CCDC183: variants seen among roughly 807,000 people sequenced by gnomAD.
The protein encoded by CCDC183 is coiled-coil domain-containing protein 183.
A neutral mutation model predicts 65.2 loss-of-function variants in CCDC183; 63 were observed. That is an observed-to-expected ratio of 0.97 (90% CI 0.79 to 1.19). CCDC183 has a LOEUF of 1.19. Ranked by LOEUF, CCDC183 falls within the 50% of genes most tolerant of loss-of-function variation. CCDC183 has a pLI of 0.00. For missense variants in CCDC183, 769 were observed against 689.3 expected (o/e 1.12, Z -1.30); for synonymous variants, 323 against 276.5 (o/e 1.17, Z -1.67).
At chr9:136,800,555 G>T in intron 5 of CCDC183, 62 bp downstream of exon 5, 1 of 1,278,068 alleles carries the variant, frequency 7.8e-7, no homozygotes, top group South Asian at 1.3e-5. Flanking sequence ...GGGCGGGAGC[G>T]TCCTGGGGCG....
chr9:136,797,923 C>G (rs1257534842), intron 1 of CCDC183, among the ~76,000 whole-genome samples: 3 of 151,558 alleles, frequency 2.0e-5, no homozygotes, highest in Non-Finnish European at 4.4e-5. Flanking sequence ...CGGGTTCGAG[C>G]GATTCTCCTG....
chr9:136,807,054 G>A lies in CCDC183; in HGVS notation c.1474G>A (p.Glu492Lys), dbSNP rs749224478. The change falls in exon 13 of 14, where the codon GAG (glutamate) becomes AAG (lysine). Residue 492 changes from glutamate to lysine, a missense_variant. By Grantham distance (56) the Glu-to-Lys change is moderately conservative (BLOSUM62 1). Coordinates refer to ENST00000338005, the MANE Select transcript of CCDC183 (RefSeq NM_001039374.5). Reference sequence around the variant, plus strand: ...CAGGATCAGCTTTGAGAACCGGGAGGAGGATATGATCGGTACAGGCCCCGG... The same window carrying A: ...CAGGATCAGCTTTGAGAACCGGGAGAAGGATATGATCGGTACAGGCCCCGG... ...NTRISFENREEDMIDTFQFPD... is the reference protein window; with the variant it reads ...NTRISFENREKDMIDTFQFPD... The A allele has an allele frequency of 2.5e-6, 4 of 1,613,146 alleles. No individual in the cohort carries two copies. Among genetic ancestry groups the A allele is most frequent in the Admixed American group, 1.7e-5 (1 of 60,012 alleles).
chr9:136,806,074 C>T lies in CCDC183; in HGVS notation c.949-4C>T. The T allele has an allele frequency of 1.9e-6, 3 of 1,549,108 alleles. No homozygotes were observed. Among genetic ancestry groups the T allele is most frequent in the Non-Finnish European group, 2.6e-6 (3 of 1,146,730 alleles). On this transcript the variant is annotated splice_region_variant and splice_polypyrimidine_tract_variant and intron_variant, in intron 9 of 13. Coordinates refer to ENST00000338005, the MANE Select transcript of CCDC183 (RefSeq NM_001039374.5). The stretch of plus-strand genomic sequence containing the variant: ...CCTGCTTCTCTCTCCCCCGGACTGG[C>T]CAGGACATCACTAGCCGCTTCCTGG...
At position 136,800,035 on chromosome 9, in the gene CCDC183, G is replaced by C. The variant is rs1847712720; in HGVS notation, c.304G>C (p.Asp102His). The C allele has an allele frequency of 6.3e-7, 1 of 1,589,658 alleles. No individual in the cohort carries two copies. Among genetic ancestry groups the C allele is most frequent in the Non-Finnish European group, 8.6e-7 (1 of 1,168,962 alleles). ...VREKLRKYVF[D>H]RVNMHNLLIH... The stretch of plus-strand genomic sequence containing the variant: ...GGAGAAGCTGCGCAAGTACGTCTTC[G>C]ACCGCGTGAACATGCACAACCTACT... The change falls in exon 4 of 14, where the codon GAC becomes CAC. Residue 102 changes from aspartate to histidine, a missense_variant. Physicochemically the swap from Asp to His is moderately conservative, Grantham distance 81 (BLOSUM62 -1). Coordinates refer to ENST00000338005, the MANE Select transcript of CCDC183 (RefSeq NM_001039374.5).
chr9:136,800,344 C>A, intron 4 of CCDC183, 45 bp from the exon 5 acceptor site: 1 of 1,535,786 alleles, frequency 6.5e-7, no homozygotes, highest in Non-Finnish European at 8.9e-7. Flanking sequence ...ACCCTCCGGG[C>A]GGCCGGTCCC....
At chr9:136,805,247 C>T in intron 8 of CCDC183, 110 bp from the exon 9 acceptor site, 1 of 843,504 alleles carries the variant, frequency 1.2e-6, no homozygotes, top group Non-Finnish European at 1.9e-6. Flanking sequence ...ATGCCTGTGT[C>T]TTGGGTGGCC....
rs1380246853 is a variant in CCDC183 at position 136,804,731 on chromosome 9, T to C, written c.793-31T>C. On this transcript the variant is annotated intron_variant, in intron 7 of 13. Coordinates refer to ENST00000338005, the MANE Select transcript of CCDC183 (RefSeq NM_001039374.5). This position sits in a 1 kb window ranked among gnomAD's most constrained non-coding sequence, Gnocchi z 4.1. ...GGGCCCACTCCCTGCCAAGGATGTC[T>C]CATCCCTTCCCCGCCCCCACCTCCC... 1 of 1,613,272 alleles carries C rather than the reference T, an allele frequency of 6.2e-7. No individual in the cohort carries two copies. The highest frequency in any genetic ancestry group is 1.1e-5 in the South Asian group (1 of 91,056).
intron 13 of CCDC183, 114 bp from the exon 14 acceptor site, chr9:136,807,458 T>C: frequency 7.6e-7 from 1 of 1,313,112 alleles, no homozygotes; most frequent in Non-Finnish European, 1.0e-6. Context: ...GCTGGGGCTG[T>C]CCCTGGGGCA....
At position 136,799,808 on chromosome 9, in the gene CCDC183, G is replaced by T. The variant is rs1847707528; in HGVS notation, c.270+18G>T. 6.2e-7 allele frequency: 1 copy of T among 1,608,866 alleles called. No individual in the cohort carries two copies. Reference sequence around the variant, plus strand: ...CCATGGAGGTAACCAGGCAGGAGGGGCCTCGAGACCCAACCCTCCCCACCC... The same window carrying T: ...CCATGGAGGTAACCAGGCAGGAGGGTCCTCGAGACCCAACCCTCCCCACCC... On this transcript the variant is annotated intron_variant, in intron 3 of 13. Transcript: ENST00000338005.
rs937684431 is a variant in CCDC183 at position 136,802,702 on chromosome 9, G to A, written c.582G>A (p.Gln194=). 4.3e-6 allele frequency: 7 copies of A among 1,613,394 alleles called. No homozygotes were observed. In the African/African-American group the frequency reaches 8.0e-5, roughly 18 times the overall value. ...ACCCCATTGAGCTGGACAAGCTGCA[G>A]AACCTCGTGGTCAACTACTGCTCAG... ...AGYPIELDKL[Q]NLVVNYCSEL... The change falls in exon 6 of 14, where the codon CAG becomes CAA. Residue 194 remains glutamine (Q), a synonymous_variant. Transcript: ENST00000338005.
chr9:136,799,271 C>T (rs1459167411), intron 2 of CCDC183, 48 bp downstream of exon 2: 1 of 1,558,352 alleles, frequency 6.4e-7, no homozygotes, highest in Non-Finnish European at 8.7e-7. Flanking sequence ...AGGGCAGGAG[C>T]TGAGTACACA....
chr9:136,798,383 C>T (rs553422840), intron 1 of CCDC183, among the ~76,000 whole-genome samples: 6 of 152,108 alleles, frequency 3.9e-5, no homozygotes, highest in African/African-American at 1.4e-4. Flanking sequence ...TCACTGCAAC[C>T]TCCACCTCCT....
chr9:136,804,773 C>T lies in CCDC183; in HGVS notation c.804C>T (p.Asp268=). The T allele has an allele frequency of 6.2e-7, 1 of 1,613,808 alleles. No homozygotes were observed. The highest frequency in any genetic ancestry group is 8.5e-7 in the Non-Finnish European group (1 of 1,179,912). The change falls in exon 8 of 14, where the codon GAC becomes GAT. Residue 268 remains aspartate (D), a synonymous_variant. Coordinates refer to ENST00000338005, the MANE Select transcript of CCDC183 (RefSeq NM_001039374.5). The surrounding 1 kb of genome is among the most constrained non-coding windows in gnomAD (Gnocchi z 4.1). Reference sequence around the variant, plus strand: ...CCACCTCCCATCAGGGCCAGATGGACTTGGACTTCCCCTCGAACCTGATGA... The same window carrying T: ...CCACCTCCCATCAGGGCCAGATGGATTTGGACTTCCCCTCGAACCTGATGA... ...TSEKYRRGQM[D]LDFPSNLMST...
At position 136,804,585 on chromosome 9, in the gene CCDC183, C is replaced by G. The variant is rs372143084; in HGVS notation, c.750C>G (p.Ile250Met). Reference protein sequence around the residue: ...ENRLNQQKKLIDKIHTKETSE... With the variant: ...ENRLNQQKKLMDKIHTKETSE... ...GGCTCAACCAGCAGAAGAAGCTGAT[C>G]GACAAGATCCACACGAAGGAGACCA... is the stretch of plus-strand genomic sequence containing the variant. The change falls in exon 7 of 14, where the codon ATC becomes ATG. Residue 250 changes from isoleucine to methionine, a missense_variant. Ile to Met is a conservative substitution (Grantham distance 10, BLOSUM62 1). Transcript: ENST00000338005. The surrounding 1 kb of genome is among the most constrained non-coding windows in gnomAD (Gnocchi z 4.1). 2 of 1,613,506 alleles carry G rather than the reference C, an allele frequency of 1.2e-6. No homozygotes were observed. Among genetic ancestry groups the G allele is most frequent in the African/African-American group, 1.3e-5 (1 of 74,890 alleles).
chr9:136,804,147 C>G lies in CCDC183; in HGVS notation c.667-355C>G. On this transcript the variant is annotated intron_variant, in intron 6 of 13. Coordinates refer to ENST00000338005, the MANE Select transcript of CCDC183 (RefSeq NM_001039374.5). This position sits in a 1 kb window ranked among gnomAD's most constrained non-coding sequence, Gnocchi z 4.1. ...GGTTAGCAGATGACGGTTTTAGCTG[C>G]CCAAGGGCACGCTGGAAGAGGCCAG... 1 of 269,286 alleles carries G rather than the reference C, an allele frequency of 3.7e-6. No individual in the cohort carries two copies. The highest frequency in any genetic ancestry group is 4.4e-5 in the South Asian group (1 of 22,948). 16.7% of individuals were successfully genotyped at this position (269,286 alleles called of 1,614,324 possible).
At chr9:136,803,354 C>T (rs1469720409) in intron 6 of CCDC183, among the ~76,000 whole-genome samples, 1 of 152,222 alleles carries the variant, frequency 6.6e-6, no homozygotes, top group Non-Finnish European at 1.5e-5. Context: ...GCCCACACTG[C>T]CTACAATCCC....
At position 136,806,233 on chromosome 9, in the gene CCDC183, C is replaced by T. The variant is rs1224826365; in HGVS notation, c.1104C>T (p.Ser368=). ...AVLKFRQKPS[S]ISFKSVEKKM... ...TCAAGTTCCGCCAGAAGCCTAGCTC[C>T]ATCAGGTGCCCCGGGCTTCCGGGGC... The change falls in exon 10 of 14, where the codon TCC becomes TCT. Residue 368 remains serine (S), a synonymous_variant. Transcript: ENST00000338005. The T allele has an allele frequency of 6.9e-6, 11 of 1,591,140 alleles. No homozygotes were observed. The highest frequency in any genetic ancestry group is 9.4e-6 in the Non-Finnish European group (11 of 1,168,930).
At chr9:136,805,752 T>C (rs906128367) in intron 9 of CCDC183, among the ~76,000 whole-genome samples, 1 of 152,172 alleles carries the variant, frequency 6.6e-6, no homozygotes, top group Non-Finnish European at 1.5e-5. Context: ...ACAACGTCCT[T>C]CAGTGATGAT....
At chr9:136,800,797 G>T (rs1295334640) in intron 5 of CCDC183, 2 of 331,862 alleles carry the variant, frequency 6.0e-6, no homozygotes, top group African/African-American at 4.4e-5. Context: ...AGTCAGACAG[G>T]TCCTGCACCC....
Sources: allele counts gnomAD v4.1 joint callset (sites outside exome capture counted in the v4.1 genomes callset), GRCh38; gene constraint gnomAD v4.1.1; non-coding constraint Gnocchi (gnomAD v3.1); transcripts MANE v1.5; gene names NCBI Gene and HGNC (gene_info 2026-07-23, HGNC 2026-07-21).